Variants in DIS3L2 observed in about 807,000 individuals in gnomAD.
The protein encoded by DIS3L2 is DIS3-like exonuclease 2.
A neutral mutation model predicts 97.5 loss-of-function variants in DIS3L2; 34 were observed. That is an observed-to-expected ratio of 0.35 (90% confidence interval 0.27 to 0.46). The LOEUF (loss-of-function observed/expected upper bound fraction) is 0.46, where lower values mean the gene tolerates loss of function less well. DIS3L2 is among the 20% of genes least tolerant of loss of function. The pLI, the probability that DIS3L2 is intolerant of heterozygous loss-of-function variation, is 1.00. For missense variants in DIS3L2, 1,038 were observed against 1,146.0 expected (o/e 0.91, Z 1.36); for synonymous variants, 435 against 445.2 (o/e 0.98, Z 0.29).
intron 13 of DIS3L2, among the ~76,000 whole-genome samples, chr2:232,295,350 A>G (rs1694698148): frequency 6.6e-6 from 1 of 152,118 alleles, no homozygotes; most frequent in African/African-American, 2.4e-5. Flanking sequence ...CTAAAAAATC[A>G]TACTAGGACA....
chr2:232,141,192 A>G (rs920781376), intron 8 of DIS3L2, among the ~76,000 whole-genome samples: 3 of 145,568 alleles, frequency 2.1e-5, no homozygotes, highest in African/African-American at 7.3e-5. Context: ...GAAATCTGGT[A>G]TCCTCAGTCT....
At chr2:232,174,359 G>A (rs557917402) in intron 9 of DIS3L2, among the ~76,000 whole-genome samples, 1 of 152,116 alleles carries the variant, frequency 6.6e-6, no homozygotes, top group Admixed American at 6.5e-5. Context: ...GCCAAGGCTG[G>A]TGGATCACTT....
chr2:232,202,855 A>G (rs1304646549), intron 9 of DIS3L2, among the ~76,000 whole-genome samples: 1 of 152,254 alleles, frequency 6.6e-6, no homozygotes, highest in Non-Finnish European at 1.5e-5. Flanking sequence ...TGCGTGAAAC[A>G]GTATTATGAT....
At chr2:232,016,745 T>G (rs936611663) in intron 3 of DIS3L2, among the ~76,000 whole-genome samples, 1 of 152,174 alleles carries the variant, frequency 6.6e-6, no homozygotes, top group Non-Finnish European at 1.5e-5. Context: ...CATAATACTT[T>G]CATTAGTATA....
intron 5 of DIS3L2, among the ~76,000 whole-genome samples, chr2:232,081,650 C>A (rs1415469315): frequency 6.6e-6 from 1 of 152,168 alleles, no homozygotes; most frequent in Non-Finnish European, 1.5e-5. Flanking sequence ...TATGATACTT[C>A]CTGTGTCCTT....
chr2:232,329,868 C>T lies in DIS3L2; in HGVS notation c.1795C>T (p.Arg599Cys), dbSNP rs370448481. The change falls in exon 15 of 21, where the codon CGC becomes TGC. Residue 599 changes from arginine to cysteine, a missense_variant. By Grantham distance (180) the Arg-to-Cys change is radical. Around this residue, in one of 3 missense-constraint regions of DIS3L2, gnomAD observed 813 missense variants for 880.1 expected, o/e 0.92. Transcript: ENST00000325385. ...ANMAVAHKIH[R>C]AFPEQALLRR... ...CATGGCAGTGGCCCACAAGATCCAC[C>T]GCGCCTTCCCCGAGCAGGCCCTGCT... 4.4e-5 allele frequency: 70 copies of T among 1,602,494 alleles called. No individual in the cohort carries two copies. The highest frequency in any genetic ancestry group is 3.7e-4 in the Admixed American group (22 of 59,340).
intron 8 of DIS3L2, among the ~76,000 whole-genome samples, chr2:232,138,978 A>G (rs1698435696): frequency 6.6e-6 from 1 of 152,210 alleles, no homozygotes; most frequent in African/African-American, 2.4e-5. Context: ...ATGCTATATT[A>G]TCTGAGAAAT....
chr2:232,110,278 A>G (rs1351713073), intron 6 of DIS3L2, among the ~76,000 whole-genome samples: 1 of 152,254 alleles, frequency 6.6e-6, no homozygotes, highest in Non-Finnish European at 1.5e-5. Context: ...TGTGGAAGAC[A>G]GTATGGCGAT....
intron 1 of DIS3L2, among the ~76,000 whole-genome samples, chr2:232,006,325 C>T (rs993514248): frequency 2.6e-5 from 4 of 152,266 alleles, no homozygotes; most frequent in Non-Finnish European, 4.4e-5. Flanking sequence ...GTACATACAC[C>T]GTTGTAACAA....
intron 1 of DIS3L2, among the ~76,000 whole-genome samples, chr2:231,964,393 GT>G (rs1440087536): frequency 6.6e-6 from 1 of 152,092 alleles, no homozygotes. Context: ...TAGGTTTGAG[GT>G]TTGAGAAATA....
chr2:232,105,747 T>A (rs1697339870), intron 6 of DIS3L2, among the ~76,000 whole-genome samples: 1 of 152,208 alleles, frequency 6.6e-6, no homozygotes, highest in Admixed American at 6.5e-5. Flanking sequence ...AAATAATGTC[T>A]CACAAATGTT....
chr2:232,329,632 T>C (rs1262943111), intron 14 of DIS3L2, 181 bp from the exon 15 acceptor site: 4 of 581,052 alleles, frequency 6.9e-6, no homozygotes, highest in Non-Finnish European at 1.1e-5. Flanking sequence ...AGGGAGACCA[T>C]GGGGGTGCTG....
chr2:232,111,560 A>G (rs753286559), intron 6 of DIS3L2, among the ~76,000 whole-genome samples: 63 of 152,304 alleles, frequency 4.1e-4, no homozygotes, highest in Middle Eastern at 3.4e-3. Flanking sequence ...GTTCTAATCT[A>G]TACTGTTCAG....
intron 10 of DIS3L2, among the ~76,000 whole-genome samples, chr2:232,228,534 C>T (rs540983857): frequency 6.6e-5 from 10 of 152,186 alleles, no homozygotes; most frequent in Non-Finnish European, 1.0e-4. Context: ...GGAGTATGCC[C>T]AGTTCTCTGC....
At chr2:232,205,849 T>C (rs575967094) in intron 9 of DIS3L2, among the ~76,000 whole-genome samples, 2 of 152,324 alleles carry the variant, frequency 1.3e-5, no homozygotes, top group Admixed American at 1.3e-4. Flanking sequence ...AAGGATAAAA[T>C]TTGTGTGTCT....
chr2:231,970,235 A>C (rs1214154857), intron 1 of DIS3L2, among the ~76,000 whole-genome samples: 1 of 152,194 alleles, frequency 6.6e-6, no homozygotes, highest in Non-Finnish European at 1.5e-5. Flanking sequence ...GGTGTGAGCC[A>C]CTGCACCCAG....
intron 9 of DIS3L2, 111 bp downstream of exon 9, chr2:232,163,743 T>G: frequency 7.8e-7 from 1 of 1,286,286 alleles, no homozygotes; most frequent in Admixed American, 2.8e-5. Context: ...TTCAGTTCAG[T>G]TGGGAATAGG....
intron 3 of DIS3L2, among the ~76,000 whole-genome samples, chr2:232,020,233 A>G (rs1244908679): frequency 6.6e-6 from 1 of 152,180 alleles, no homozygotes; most frequent in African/African-American, 2.4e-5. Flanking sequence ...AAGGCTCTTA[A>G]GCAGGGGAAG....
chr2:232,094,999 T>A (rs1696963215), intron 6 of DIS3L2, among the ~76,000 whole-genome samples: 1 of 152,218 alleles, frequency 6.6e-6, no homozygotes, highest in South Asian at 2.1e-4. Flanking sequence ...TTCCATTGGC[T>A]TGGAATATCT....
Sources: gnomAD v4.1 joint callset for allele counts (sites outside exome capture counted in the v4.1 genomes callset) on GRCh38, gnomAD v4.1.1 for gene constraint, gnomAD v4.1.1 regional missense constraint, MANE v1.5 for transcripts, NCBI Gene and HGNC (gene_info 2026-07-23, HGNC 2026-07-21) for gene names.